LPP: variants seen among roughly 807,000 people sequenced by gnomAD.
The protein encoded by LPP is LIM domain containing preferred translocation partner in lipoma, also known as lipoma-preferred partner.
LPP carries 38 observed loss-of-function variants against 60.4 expected under a neutral mutation model. That is an observed-to-expected ratio of 0.63 (90% CI 0.49 to 0.83). The LOEUF is 0.83. LPP is among the 40% of genes least tolerant of loss of function. The pLI, the probability that LPP is intolerant of heterozygous loss-of-function variation, is 0.00. For missense variants in LPP, 902 were observed against 783.6 expected (o/e 1.15, Z -1.80); for synonymous variants, 328 against 290.8 (o/e 1.13, Z -1.30).
intron 6 of LPP, among the ~76,000 whole-genome samples, chr3:188,564,724 C>A (rs1428060487): frequency 6.6e-6 from 1 of 151,918 alleles, no homozygotes; most frequent in Non-Finnish European, 1.5e-5. Context: ...AACCAAGCCT[C>A]ATGGAGACTT....
intron 7 of LPP, among the ~76,000 whole-genome samples, chr3:188,628,294 A>T (rs2151678103): frequency 6.6e-6 from 1 of 152,182 alleles, no homozygotes; most frequent in South Asian, 2.1e-4. Context: ...CATACAAAAG[A>T]TCACTAAAAC....
chr3:188,515,381 T>A (rs6771908), intron 5 of LPP, among the ~76,000 whole-genome samples: 144,857 of 152,228 alleles, frequency 0.95, 69,036 homozygotes, highest in East Asian at 1. Flanking sequence ...TCAGAAACTG[T>A]CTGGATATTG....
At chr3:188,765,132 T>G (rs1733600669) in intron 9 of LPP, among the ~76,000 whole-genome samples, 1 of 152,176 alleles carries the variant, frequency 6.6e-6, no homozygotes, top group South Asian at 2.1e-4. Flanking sequence ...TTAAAAGCAC[T>G]TATGGCCAGT....
intron 2 of LPP, among the ~76,000 whole-genome samples, chr3:188,229,124 T>C (rs1024609435): frequency 2.0e-5 from 3 of 152,210 alleles, no homozygotes; most frequent in Admixed American, 6.5e-5. Flanking sequence ...CAGGTTAAAA[T>C]TGAAATAGAA....
intron 9 of LPP, among the ~76,000 whole-genome samples, chr3:188,848,386 A>T (rs1179365521): frequency 1.3e-5 from 2 of 152,192 alleles, no homozygotes; most frequent in Non-Finnish European, 2.9e-5. Flanking sequence ...TGCAGATCCC[A>T]CTGATACTGA....
chr3:188,559,790 G>T (rs982584936), intron 6 of LPP, among the ~76,000 whole-genome samples: 2 of 152,040 alleles, frequency 1.3e-5, no homozygotes, highest in African/African-American at 2.4e-5. Context: ...TCTCGTCCGA[G>T]AATATAAAAA....
intron 4 of LPP, among the ~76,000 whole-genome samples, chr3:188,479,068 G>A (rs140950424): frequency 1.3e-5 from 2 of 152,110 alleles, no homozygotes; most frequent in East Asian, 3.9e-4. Flanking sequence ...ACTATTAATG[G>A]AAATGAATAA....
At chr3:188,404,660 C>T (rs896548220) in intron 3 of LPP, among the ~76,000 whole-genome samples, 17 of 152,202 alleles carry the variant, frequency 1.1e-4, no homozygotes, top group Middle Eastern at 3.2e-3. Context: ...TTTCCCAGCT[C>T]TCCCCTCCAC....
chr3:188,694,716 A>G (rs1338697602), intron 7 of LPP, among the ~76,000 whole-genome samples: 1 of 151,790 alleles, frequency 6.6e-6, no homozygotes, highest in Non-Finnish European at 1.5e-5. Flanking sequence ...AAAAATAAAT[A>G]AAAACTAAAA....
chr3:188,349,446 C>T (rs984371414), intron 3 of LPP, among the ~76,000 whole-genome samples: 1 of 152,150 alleles, frequency 6.6e-6, no homozygotes, highest in Non-Finnish European at 1.5e-5. Context: ...CTGGGGCCAT[C>T]AAAACGTGTG....
intron 1 of LPP, among the ~76,000 whole-genome samples, chr3:188,215,446 C>T (rs1468747907): frequency 6.6e-6 from 1 of 152,188 alleles, no homozygotes; most frequent in Non-Finnish European, 1.5e-5. Context: ...TTCCTCTCCT[C>T]CAGCCCCTGG....
chr3:188,639,229 G>A (rs553306635), intron 7 of LPP, among the ~76,000 whole-genome samples: 1 of 152,132 alleles, frequency 6.6e-6, no homozygotes, highest in Non-Finnish European at 1.5e-5. Context: ...ACAACCATCT[G>A]ATCTTTGACA....
At chr3:188,455,456 A>G (rs965528239) in intron 4 of LPP, among the ~76,000 whole-genome samples, 2 of 152,222 alleles carry the variant, frequency 1.3e-5, no homozygotes, top group Non-Finnish European at 2.9e-5. Flanking sequence ...TTTGGAGTGA[A>G]TAAAACACAC....
Position 188,375,607 on chromosome 3 carries a change from T to A in LPP, c.-9-30505T>A, listed in dbSNP as rs1440225304. ...TTTGATTCTTCTCTTTTCTTCTTTATTAGTCTTGCTAGTGGTCTATCGGTT... is the reference window on the plus strand; with the variant it reads ...TTTGATTCTTCTCTTTTCTTCTTTAATAGTCTTGCTAGTGGTCTATCGGTT... On this transcript the variant is annotated intron_variant, in intron 3 of 11. Transcript: ENST00000617246. Among the ~76,000 whole-genome samples, 6 of 152,312 alleles carry A rather than the reference T, an allele frequency of 3.9e-5. No homozygotes were observed. In the East Asian group the frequency reaches 7.7e-4, roughly 20 times the overall value.
In LPP at chr3:188,886,733, C is replaced by CAT. The variant is rs777515799; in HGVS notation, c.*12255_*12256insTA. 14 of 153,268 alleles carry CAT rather than the reference C, an allele frequency of 9.1e-5. No homozygotes were observed. Among genetic ancestry groups the CAT allele is most frequent in the Non-Finnish European group, 1.4e-4 (12 of 87,030 alleles). The allele number at this position is 153,268 out of a possible 1,614,324, so 9.5% of individuals were successfully genotyped here. ...ATTGTCTTCAAAACACACACACACACACATACACACACACACACACACACA... is the reference window on the plus strand; with the variant it reads ...ATTGTCTTCAAAACACACACACACACATACATACACACACACACACACACACA... On this transcript the variant is annotated 3_prime_UTR_variant, in exon 12 of 12. Coordinates refer to ENST00000617246, the MANE Select transcript of LPP (RefSeq NM_001375462.1).
At chr3:188,816,972 A>G (rs1352504057) in intron 9 of LPP, among the ~76,000 whole-genome samples, 1 of 152,204 alleles carries the variant, frequency 6.6e-6, no homozygotes, top group Non-Finnish European at 1.5e-5. Flanking sequence ...CTTCCTCAAG[A>G]GTAAGTAGTG....
chr3:188,341,763 G>A (rs1763121051), intron 3 of LPP, 44 bp downstream of exon 3: 1 of 718,260 alleles, frequency 1.4e-6, no homozygotes, highest in Non-Finnish European at 1.7e-6. Flanking sequence ...ATACTAATAG[G>A]CATCTGAGCC....
chr3:188,836,868 G>A (rs1239458346), intron 9 of LPP, among the ~76,000 whole-genome samples: 2 of 152,144 alleles, frequency 1.3e-5, no homozygotes, highest in Non-Finnish European at 2.9e-5. Context: ...TGTTCATGTG[G>A]CATAAGATTC....
chr3:188,825,269 C>CTCTGTGTGTG (rs1463318065), intron 9 of LPP, among the ~76,000 whole-genome samples: 4,471 of 101,710 alleles, frequency 0.044, 186 homozygotes, highest in East Asian at 0.14. Flanking sequence ...CTCTCTCTCT[C>CTCTGTGTGTG]TGTGTGTGTG....
Sources: allele counts gnomAD v4.1 joint callset (sites outside exome capture counted in the v4.1 genomes callset), GRCh38; gene constraint gnomAD v4.1.1; transcripts MANE v1.5; gene names NCBI Gene and HGNC (gene_info 2026-07-23, HGNC 2026-07-21).